The following MYBPH variants were observed in gnomAD, a reference collection of about 807,000 sequenced individuals.
MYBPH encodes the protein myosin binding protein H.
In MYBPH, 49 loss-of-function variants were observed where a neutral mutation model predicts 53.6. The observed-to-expected ratio is 0.91, with a 90% CI of 0.73 to 1.16. MYBPH has a LOEUF of 1.16. Among genes scored for constraint, MYBPH ranks in the 50% most tolerant of loss-of-function variants. The pLI, the probability that MYBPH is intolerant of heterozygous loss-of-function variation, is 0.00. For synonymous variants in MYBPH, 239 were observed against 249.6 expected (o/e 0.96, Z 0.40); for missense variants, 558 against 624.1 (o/e 0.89, Z 1.13).
rs750575845 is a variant in MYBPH at position 203,168,980 on chromosome 1, T to G, written c.1343A>C (p.Asp448Ala). The change falls in exon 9 of 11, where the codon GAT becomes GCT. Residue 448 changes from aspartate (D) to alanine (A), a missense_variant. Asp to Ala is a moderately radical substitution (Grantham distance 126). Transcript: ENST00000255416. ...TLEIRKPSPF[D>A]SGVYTCKAIN... ...GGCCTTGCAGGTGTAGACCCCAGAATCAAAGGGGCTGGGTTTCCGGATCTC... is the reference window on the plus strand; with the variant it reads ...GGCCTTGCAGGTGTAGACCCCAGAAGCAAAGGGGCTGGGTTTCCGGATCTC... The G allele has an allele frequency of 6.2e-7, 1 of 1,613,792 alleles. No individual in the cohort carries two copies. The highest frequency in any genetic ancestry group is 8.5e-7 in the Non-Finnish European group (1 of 1,180,024).
At chr1:203,178,595 G>A (rs1011748324), upstream of MYBPH, among the ~76,000 whole-genome samples, 3 of 152,238 alleles carry the variant, frequency 2.0e-5, no homozygotes, top group African/African-American at 7.2e-5. Flanking sequence ...AAGAGAGGGA[G>A]TGTTGGGATG....
intron 3 of MYBPH, 129 bp from the exon 4 acceptor site, chr1:203,172,169 A>AT (rs995387431): frequency 2.1e-6 from 1 of 483,680 alleles, no homozygotes; most frequent in Admixed American, 4.4e-5. Flanking sequence ...CCTGGCTGCC[A>AT]TGGGGTCCCT....
chr1:203,170,189 G>T, intron 7 of MYBPH, 102 bp downstream of exon 7: 1 of 1,431,066 alleles, frequency 7.0e-7, no homozygotes. Context: ...TGTTCCAGGG[G>T]CAGACGCCCA....
chr1:203,176,687 C>T (rs181724882), upstream of MYBPH, among the ~76,000 whole-genome samples: 101 of 152,106 alleles, frequency 6.6e-4, no homozygotes, highest in Middle Eastern at 3.4e-3. Flanking sequence ...TTCATTTGTT[C>T]GATAAAATGT....
upstream of MYBPH, chr1:203,179,214 T>A (rs1324005678): frequency 9.3e-6 from 4 of 430,168 alleles, no homozygotes; most frequent in Non-Finnish European, 1.6e-5. Context: ...TGTGTACTAA[T>A]CCCGAGTCTT....
upstream of MYBPH, among the ~76,000 whole-genome samples, chr1:203,177,130 C>T (rs1055588175): frequency 6.6e-6 from 1 of 152,176 alleles, no homozygotes; most frequent in African/African-American, 2.4e-5. Flanking sequence ...AATCCAAATG[C>T]AGTCAACACC....
intron 3 of MYBPH, among the ~76,000 whole-genome samples, chr1:203,172,784 G>A (rs1655725132): frequency 6.6e-6 from 1 of 152,234 alleles, no homozygotes; most frequent in African/African-American, 2.4e-5. Flanking sequence ...CACCATCCCT[G>A]TCCCCTGGGG....
chr1:203,171,102 G>A lies in MYBPH; in HGVS notation c.892C>T (p.Leu298Phe). 1 of 1,611,938 alleles carries A rather than the reference G, an allele frequency of 6.2e-7. No homozygotes were observed. Among genetic ancestry groups the A allele is most frequent in the Non-Finnish European group, 8.5e-7 (1 of 1,179,202 alleles). The change falls in exon 6 of 11, where the codon CTC becomes TTC. Residue 298 changes from leucine to phenylalanine, a missense_variant. By Grantham distance (22) the Leu-to-Phe change is conservative. Transcript: ENST00000255416. The surrounding 1 kb of genome is among the most constrained non-coding windows in gnomAD (Gnocchi z 4.2). Reference protein sequence around the residue: ...TPPQDTGNTELLGYMVQKADK... With the variant: ...TPPQDTGNTEFLGYMVQKADK... ...GCCTTCTGCACCATGTAGCCCAGGA[G>A]CTCTGTGTTGCCTGTGTCCTGGGGT...
intron 3 of MYBPH, among the ~76,000 whole-genome samples, chr1:203,173,036 C>G (rs3766547): frequency 0.26 from 39,777 of 152,156 alleles, 6,104 homozygotes; most frequent in Non-Finnish European, 0.35. Flanking sequence ...GCCAAGGATC[C>G]TGGACAGGGC....
upstream of MYBPH, chr1:203,175,847 G>T: frequency 7.7e-7 from 1 of 1,296,202 alleles, no homozygotes; most frequent in Non-Finnish European, 1.1e-6. Context: ...CCTAGGTCCA[G>T]GCTTATATAG....
upstream of MYBPH, among the ~76,000 whole-genome samples, chr1:203,177,858 C>T (rs189942975): frequency 1.2e-4 from 18 of 152,340 alleles, no homozygotes; most frequent in African/African-American, 3.8e-4. Flanking sequence ...GGTGAAATGC[C>T]GGGTACCCCC....
chr1:203,176,971 T>C (rs1207024776), upstream of MYBPH, among the ~76,000 whole-genome samples: 8 of 152,048 alleles, frequency 5.3e-5, no homozygotes, highest in Admixed American at 4.6e-4. Flanking sequence ...CCCTCAACAG[T>C]GGGATGGATA....
chr1:203,172,163 G>T (rs1413928860), intron 3 of MYBPH, 123 bp from the exon 4 acceptor site: 6 of 519,298 alleles, frequency 1.2e-5, no homozygotes, highest in Non-Finnish European at 1.8e-5. Context: ...GGTGTGCCTG[G>T]CTGCCATGGG....
In MYBPH at chr1:203,171,086, A is replaced by C; in HGVS notation, c.908T>G (p.Val303Gly). Residue 303 changes from valine (V) to glycine (G), a missense_variant, in exon 6 of 11, where the codon GTG (valine) becomes GGG (glycine). Val to Gly is a moderately radical substitution (Grantham distance 109, BLOSUM62 -3). Coordinates refer to ENST00000255416, the MANE Select transcript of MYBPH (RefSeq NM_004997.3). This position sits in a 1 kb window ranked among gnomAD's most constrained non-coding sequence, Gnocchi z 4.2. Reference protein sequence around the residue: ...TGNTELLGYMVQKADKKTGQW... With the variant: ...TGNTELLGYMGQKADKKTGQW... The stretch of plus-strand genomic sequence containing the variant: ...CCCTGTCTTTTTGTCTGCCTTCTGC[A>C]CCATGTAGCCCAGGAGCTCTGTGTT... 6.2e-7 allele frequency: 1 copy of C among 1,606,838 alleles called. No homozygotes were observed. Among genetic ancestry groups the C allele is most frequent in the African/African-American group, 1.3e-5 (1 of 74,618 alleles).
chr1:203,171,017 G>C lies in MYBPH; in HGVS notation c.933+44C>G. 2 of 1,537,396 alleles carry C rather than the reference G, an allele frequency of 1.3e-6. No homozygotes were observed. The highest frequency in any genetic ancestry group is 1.7e-6 in the Non-Finnish European group (2 of 1,143,394). The stretch of plus-strand genomic sequence containing the variant: ...TGGGATGGGCCTTCCCCACCACCTT[G>C]ACCACTTCGTACCCCGACCCCACTT... On this transcript the variant is annotated intron_variant, in intron 6 of 10. Transcript: ENST00000255416. This position sits in a 1 kb window ranked among gnomAD's most constrained non-coding sequence, Gnocchi z 4.2.
In MYBPH at chr1:203,171,008, C is replaced by T; in HGVS notation, c.933+53G>A. 2 of 1,523,782 alleles carry T rather than the reference C, an allele frequency of 1.3e-6. No individual in the cohort carries two copies. Among genetic ancestry groups the T allele is most frequent in the Non-Finnish European group, 1.8e-6 (2 of 1,136,964 alleles). The allele number at this position is 1,523,782 out of a possible 1,614,324, so 94.4% of individuals were successfully genotyped here. The stretch of plus-strand genomic sequence containing the variant: ...TAGACTCAGTGGGATGGGCCTTCCC[C>T]ACCACCTTGACCACTTCGTACCCCG... On this transcript the variant is annotated intron_variant, in intron 6 of 10. Coordinates refer to ENST00000255416, the MANE Select transcript of MYBPH (RefSeq NM_004997.3). This position sits in a 1 kb window ranked among gnomAD's most constrained non-coding sequence, Gnocchi z 4.2.
At chr1:203,177,523 C>T (rs1655836447), upstream of MYBPH, among the ~76,000 whole-genome samples, 1 of 152,206 alleles carries the variant, frequency 6.6e-6, no homozygotes, top group Admixed American at 6.5e-5. Context: ...AGTGGCAGTG[C>T]AGGGCCTGGG....
Position 203,167,946 on chromosome 1 carries a change from G to A in MYBPH, c.*178C>T. On this transcript the variant is annotated 3_prime_UTR_variant, in exon 11 of 11. Coordinates refer to ENST00000255416, the MANE Select transcript of MYBPH (RefSeq NM_004997.3). ...CCTGGGGCCTACCAGGCCCATTCCT[G>A]AGTTCTGGACACCAGCCTCTGGGGA... is the stretch of plus-strand genomic sequence containing the variant. The A allele has an allele frequency of 6.4e-6, 1 of 155,158 alleles. No homozygotes were observed. The highest frequency in any genetic ancestry group is 6.2e-5 in the Admixed American group (1 of 16,104). The allele number at this position is 155,158 out of a possible 1,614,324, so 9.6% of individuals were successfully genotyped here.
rs1195281150 is a variant in MYBPH, at chr1:203,169,469, A to T, written c.1094-80T>A. 5 of 1,522,746 alleles carry T rather than the reference A, an allele frequency of 3.3e-6. No homozygotes were observed. The African/African-American group carries it at 6.9e-5, about 21-fold the overall frequency. 94.3% of individuals were successfully genotyped at this position (1,522,746 alleles called of 1,614,324 possible). Reference sequence around the variant, plus strand: ...CTGTCAGGACTGACTATGATTCAAGATCTATGGATAGCAAGTCGTGGCTTA... The same window carrying T: ...CTGTCAGGACTGACTATGATTCAAGTTCTATGGATAGCAAGTCGTGGCTTA... On this transcript the variant is annotated intron_variant, in intron 7 of 10. Transcript: ENST00000255416.
Sources: gnomAD v4.1 joint callset for allele counts (sites outside exome capture counted in the v4.1 genomes callset) on GRCh38, gnomAD v4.1.1 for gene constraint, Gnocchi (gnomAD v3.1) non-coding constraint, MANE v1.5 for transcripts, NCBI Gene and HGNC (gene_info 2026-07-23, HGNC 2026-07-21) for gene names.